The following COL11A1 variants were observed in gnomAD, a reference collection of about 807,000 sequenced individuals.
COL11A1 encodes collagen type XI alpha 1 chain, also known as collagen alpha-1(XI) chain.
A neutral mutation model predicts 265.2 loss-of-function variants in COL11A1; 74 were observed. The ratio of observed to expected loss-of-function variants is 0.28; its 90% confidence interval spans 0.23 to 0.34. The LOEUF (loss-of-function observed/expected upper bound fraction) is 0.34, where lower values mean the gene tolerates loss of function less well. Among genes scored for constraint, COL11A1 ranks in the 10% least tolerant of loss-of-function variants. The pLI is 1.00. For missense variants in COL11A1, 2,165 were observed against 2,263.6 expected (o/e 0.96, Z 0.88); for synonymous variants, 816 against 727.6 (o/e 1.12, Z -1.96).
At position 102,877,488 on chromosome 1, in the gene COL11A1, C is replaced by A. The variant is rs895667822; in HGVS notation, c.*531G>T. ...ACCAAAGAAAGGGACTTAGAGTCAT[C>A]AGAAATTACAACTTTATTTTTTCAT... On this transcript the variant is annotated 3_prime_UTR_variant, in exon 67 of 67. Transcript: ENST00000370096. 4 of 152,724 alleles carry A rather than the reference C, an allele frequency of 2.6e-5. No individual in the cohort carries two copies. The highest frequency in any genetic ancestry group is 5.9e-5 in the Non-Finnish European group (4 of 68,234). 9.5% of individuals were successfully genotyped at this position (152,724 alleles called of 1,614,324 possible). A position where few individuals can be genotyped will look rare whatever the true frequency, so the allele number is the denominator to read the frequency against.
Position 103,045,473 on chromosome 1 carries a change from C to T in COL11A1, c.652-14229G>A, listed in dbSNP as rs546779621. Among the ~76,000 whole-genome samples the T allele has an allele frequency of 5.3e-5, 8 of 152,168 alleles. No homozygotes were observed. In the South Asian group the frequency reaches 1.2e-3, roughly 24 times the overall value. On this transcript the variant is annotated intron_variant, in intron 4 of 66. Coordinates refer to ENST00000370096, the MANE Select transcript of COL11A1 (RefSeq NM_001854.4). ...ATAATAATAGACAATACTTAGTTGG[C>T]ACTCACTATATACCTGCCACTCTTC...
At chr1:102,880,073 T>A (rs1650038150) in intron 65 of COL11A1, 157 bp from the exon 66 acceptor site, 1 of 614,656 alleles carries the variant, frequency 1.6e-6, no homozygotes, top group Non-Finnish European at 2.9e-6. Flanking sequence ...ACATTGAGGG[T>A]CAGAAGACCC....
Position 102,877,029 on chromosome 1 carries a change from C to A in COL11A1, c.*990G>T, listed in dbSNP as rs1215255883. 1 of 152,472 alleles carries A rather than the reference C, an allele frequency of 6.6e-6. No individual in the cohort carries two copies. The highest frequency in any genetic ancestry group is 1.5e-5 in the Non-Finnish European group (1 of 67,966). 9.4% of individuals were successfully genotyped at this position (152,472 alleles called of 1,614,324 possible). A position where few individuals can be genotyped will look rare whatever the true frequency, so the allele number is the denominator to read the frequency against. On this transcript the variant is annotated 3_prime_UTR_variant, in exon 67 of 67. Transcript: ENST00000370096. ...AAGAAAATCTAACATTGCACAAATT[C>A]ATAAATAATTGCTTAATTTCCATCT... is the stretch of plus-strand genomic sequence containing the variant.
intron 4 of COL11A1, among the ~76,000 whole-genome samples, chr1:103,051,037 A>C (rs543707270): frequency 4.6e-5 from 7 of 152,054 alleles, no homozygotes; most frequent in Non-Finnish European, 1.0e-4. Context: ...CAGTTAGGCT[A>C]CTCGGGGGTC....
intron 35 of COL11A1, 85 bp downstream of exon 35, chr1:102,978,623 G>T: frequency 7.1e-7 from 1 of 1,400,748 alleles, no homozygotes; most frequent in South Asian, 1.2e-5. Context: ...ACATGTATTA[G>T]CAGACATATA....
chr1:103,034,725 GCTTTTTA>G (rs1668230320), intron 4 of COL11A1, among the ~76,000 whole-genome samples: 1 of 151,260 alleles, frequency 6.6e-6, no homozygotes, highest in South Asian at 2.1e-4. Context: ...GTTTTGCTTT[GCTTTTTA>G]CTTTGTATGG....
rs1051734436 is a variant in COL11A1, at chr1:103,002,328, G to T, written c.2097+100C>A. On this transcript the variant is annotated intron_variant, in intron 23 of 66. Transcript: ENST00000370096. ...TTCCTACATTCACATTTTAAATATT[G>T]CTAGGACTACATAGAAAATTGTGAG... 4 of 1,060,138 alleles carry T rather than the reference G, an allele frequency of 3.8e-6. No individual in the cohort carries two copies. The Admixed American group carries it at 7.9e-5, about 21-fold the overall frequency. 65.7% of individuals were successfully genotyped at this position (1,060,138 alleles called of 1,614,324 possible). A position where few individuals can be genotyped will look rare whatever the true frequency, so the allele number is the denominator to read the frequency against.
chr1:103,029,766 T>G (rs1667830353), intron 5 of COL11A1, among the ~76,000 whole-genome samples: 1 of 151,982 alleles, frequency 6.6e-6, no homozygotes, highest in African/African-American at 2.4e-5. Flanking sequence ...AATGGCAAGT[T>G]CATTTTTAAA....
intron 57 of COL11A1, among the ~76,000 whole-genome samples, chr1:102,891,729 C>CA (rs1342231506): frequency 5.6e-5 from 8 of 142,964 alleles, no homozygotes; most frequent in African/African-American, 2.1e-4. Context: ...AAAAAAAAAG[C>CA]AAAAACTAGA....
At chr1:103,018,069 G>T (rs1306856116) in intron 10 of COL11A1, among the ~76,000 whole-genome samples, 187 bp from the exon 11 acceptor site, 1 of 152,206 alleles carries the variant, frequency 6.6e-6, no homozygotes, top group East Asian at 1.9e-4. Flanking sequence ...TAGTTCAGCT[G>T]CTCTCAGGGT....
chr1:102,971,940 T>TA (rs1372494901), intron 36 of COL11A1, among the ~76,000 whole-genome samples: 1 of 152,196 alleles, frequency 6.6e-6, no homozygotes, highest in Non-Finnish European at 1.5e-5. Context: ...ATGGCTTCTT[T>TA]AAAAAACATA....
intron 4 of COL11A1, among the ~76,000 whole-genome samples, chr1:103,071,004 T>C (rs533595689): frequency 1.5e-4 from 23 of 152,088 alleles, no homozygotes; most frequent in African/African-American, 5.5e-4. Context: ...TCAGGCCTTG[T>C]ACAGTTATCA....
chr1:103,025,722 T>C, intron 6 of COL11A1, 109 bp from the exon 7 acceptor site: 4 of 1,581,494 alleles, frequency 2.5e-6, no homozygotes, highest in South Asian at 2.2e-5. Flanking sequence ...ATTTATCTAG[T>C]TGGGTTAAGA....
chr1:102,928,290 C>T (rs1376303598), intron 46 of COL11A1, among the ~76,000 whole-genome samples: 1 of 150,984 alleles, frequency 6.6e-6, no homozygotes, highest in East Asian at 2.0e-4. Flanking sequence ...GTGATATTCC[C>T]CTTCCTGTGT....
chr1:102,923,361 C>T lies in COL11A1; in HGVS notation c.3629G>A (p.Gly1210Asp), dbSNP rs1656206064. The change falls in exon 47 of 67, where the codon GGT (glycine) becomes GAT (aspartate). Residue 1210 changes from glycine to aspartate, a missense_variant. Gly to Asp is a moderately conservative substitution (Grantham distance 94). Coordinates refer to ENST00000370096, the MANE Select transcript of COL11A1 (RefSeq NM_001854.4). ...QGLPGPPGEK[G>D]ENGDVGPMGP... is the part of the protein sequence containing the mutation. ...CATGGGACCAACATCCCCATTTTCA[C>T]CTTTTTCACCAGGTGGGCCTGGCAG... 4 of 1,605,826 alleles carry T rather than the reference C, an allele frequency of 2.5e-6. No individual in the cohort carries two copies. In the Admixed American group the frequency reaches 5.0e-5, roughly 20 times the overall value.
At chr1:102,911,495 T>G (rs950137450) in intron 54 of COL11A1, among the ~76,000 whole-genome samples, 1 of 152,106 alleles carries the variant, frequency 6.6e-6, no homozygotes, top group Non-Finnish European at 1.5e-5. Flanking sequence ...GAAAATAGAC[T>G]GCAGGTGGTA....
chr1:103,074,424 C>G (rs1463550789), intron 4 of COL11A1, among the ~76,000 whole-genome samples, 194 bp downstream of exon 4: 1 of 152,090 alleles, frequency 6.6e-6, no homozygotes, highest in African/African-American at 2.4e-5. Flanking sequence ...GCGTTACGGT[C>G]ACCATTGTCT....
intron 35 of COL11A1, among the ~76,000 whole-genome samples, chr1:102,976,284 G>T (rs1570920993): frequency 1.2e-5 from 1 of 84,094 alleles, no homozygotes; most frequent in Non-Finnish European, 2.7e-5. Flanking sequence ...CACAGAAAAC[G>T]TTGGCTTTTT....
intron 1 of COL11A1, among the ~76,000 whole-genome samples, chr1:103,084,000 G>A (rs545571327): frequency 7.9e-5 from 12 of 152,110 alleles, no homozygotes; most frequent in Admixed American, 6.5e-4. Flanking sequence ...CAGCTTTATC[G>A]GGTTATAATT....
Sources: allele counts gnomAD v4.1 joint callset (sites outside exome capture counted in the v4.1 genomes callset), GRCh38; gene constraint gnomAD v4.1.1; transcripts MANE v1.5; gene names NCBI Gene and HGNC (gene_info 2026-07-23, HGNC 2026-07-21).